The following RPH3AL variants were observed in gnomAD, a reference collection of about 807,000 sequenced individuals.
RPH3AL encodes rabphilin 3A like (without C2 domains).
In RPH3AL, 38 loss-of-function variants were observed where a neutral mutation model predicts 43.1. That is an observed-to-expected ratio of 0.88 (90% CI 0.68 to 1.15). RPH3AL has a LOEUF of 1.15. Among genes scored for constraint, RPH3AL ranks in the 50% most tolerant of loss-of-function variants. The pLI is 0.00. For missense variants in RPH3AL, 462 were observed against 423.2 expected, an observed-to-expected ratio of 1.09 and a Z score of -0.81; for synonymous variants, 189 against 176.3, an observed-to-expected ratio of 1.07 and a Z score of -0.57.
intron 8 of RPH3AL, 125 bp downstream of exon 8, chr17:219,498 A>C: frequency 1.6e-5 from 8 of 500,416 alleles, no homozygotes; most frequent in East Asian, 1.1e-4. Context: ...TGCCCGGCCT[A>C]ATAGTTTCAT....
intron 1 of RPH3AL, among the ~76,000 whole-genome samples, chr17:350,828 C>T (rs1348370249): frequency 6.6e-6 from 1 of 152,214 alleles, no homozygotes; most frequent in African/African-American, 2.4e-5. Context: ...CCAAGGCCAT[C>T]TGGGCCAAAC....
chr17:223,007 T>C (rs2041027106), intron 7 of RPH3AL, among the ~76,000 whole-genome samples: 2 of 152,240 alleles, frequency 1.3e-5, no homozygotes, highest in South Asian at 2.1e-4. Flanking sequence ...CTGGCTAACA[T>C]AGTGAAACCC....
rs373722314 is a variant in RPH3AL at position 241,507 on chromosome 17, G to A, written c.613+5604C>T. ...TTACTCAGCCATGAAAATGAATAAT[G>A]TAAAATCTGTATCCGTTGGCCTGGA... On this transcript the variant is annotated intron_variant, in intron 7 of 9. Transcript: ENST00000331302. Among the ~76,000 whole-genome samples the A allele has an allele frequency of 5.7e-4, 87 of 152,292 alleles. No individual in the cohort carries two copies. In the South Asian group the frequency reaches 0.017, roughly 30 times the overall value.
At chr17:292,202 T>C (rs779340741) in intron 5 of RPH3AL, among the ~76,000 whole-genome samples, 32 of 152,268 alleles carry the variant, frequency 2.1e-4, no homozygotes, top group Admixed American at 5.2e-4. Flanking sequence ...CCTCCGATCA[T>C]AAGCTCAGCC....
chr17:233,970 G>GGCTACTTACCCTGACCAACTTTCCCCCA (rs2041297484), intron 7 of RPH3AL, among the ~76,000 whole-genome samples: 1 of 87,538 alleles, frequency 1.1e-5, no homozygotes, highest in Non-Finnish European at 2.1e-5. Flanking sequence ...CAACTTCCCC[G>GGCTACTTACCCTGACCAACTTTCCCCCA]AGCAGGGAGC....
intron 8 of RPH3AL, among the ~76,000 whole-genome samples, chr17:218,877 C>G (rs2040878986): frequency 6.6e-6 from 1 of 152,128 alleles, no homozygotes; most frequent in Non-Finnish European, 1.5e-5. Flanking sequence ...GCAGGACTGA[C>G]CTAGTGCAGG....
rs549185486 is a variant in RPH3AL at position 223,556 on chromosome 17, C to T, written c.614-3820G>A. 5.3e-5 allele frequency among the ~76,000 whole-genome samples: 8 copies of T among 152,298 alleles called. No individual in the cohort carries two copies. In the South Asian group the frequency reaches 6.2e-4, roughly 12 times the overall value. On this transcript the variant is annotated intron_variant, in intron 7 of 9. Coordinates refer to ENST00000331302, the MANE Select transcript of RPH3AL (RefSeq NM_006987.4). ...GAGAGGTAAGACTGGAAACAAAATC[C>T]GTCTATACTGCGGTGGCTAGCACGT... is the stretch of plus-strand genomic sequence containing the variant.
intron 1 of RPH3AL, among the ~76,000 whole-genome samples, chr17:336,812 G>C (rs1443227997): frequency 6.6e-6 from 1 of 152,168 alleles, no homozygotes; most frequent in Non-Finnish European, 1.5e-5. Context: ...TTGAGGCATT[G>C]CAGCCGCCCA....
At chr17:258,423 A>G (rs2042116737) in intron 6 of RPH3AL, among the ~76,000 whole-genome samples, 1 of 152,222 alleles carries the variant, frequency 6.6e-6, no homozygotes, top group Non-Finnish European at 1.5e-5. Flanking sequence ...AAGTTCCTGT[A>G]ATTAATCAAA....
chr17:233,458 G>A (rs538860049), intron 7 of RPH3AL, among the ~76,000 whole-genome samples: 2 of 152,288 alleles, frequency 1.3e-5, no homozygotes, highest in East Asian at 3.9e-4. Context: ...GGGCCTGTAA[G>A]CCCTGCTGAT....
intron 6 of RPH3AL, among the ~76,000 whole-genome samples, chr17:268,629 C>T (rs1449493286): frequency 7.7e-5 from 10 of 130,686 alleles, no homozygotes; most frequent in Non-Finnish European, 1.6e-4. Context: ...GGCACCATCT[C>T]GGCTCACTGC....
At chr17:302,830 A>G (rs2043362675) in intron 5 of RPH3AL, among the ~76,000 whole-genome samples, 1 of 152,246 alleles carries the variant, frequency 6.6e-6, no homozygotes, top group Non-Finnish European at 1.5e-5. Flanking sequence ...AAGAAGATGA[A>G]AAAAGGAGTG....
chr17:318,195 C>T (rs544860481), intron 5 of RPH3AL, among the ~76,000 whole-genome samples: 7 of 152,136 alleles, frequency 4.6e-5, no homozygotes, highest in African/African-American at 1.7e-4. Context: ...CCAGCCTGGC[C>T]AACATGGTGA....
intron 7 of RPH3AL, among the ~76,000 whole-genome samples, chr17:226,475 C>A (rs1007312700): frequency 1.3e-5 from 2 of 152,178 alleles, no homozygotes; most frequent in Non-Finnish European, 2.9e-5. Context: ...TGGTACAGAC[C>A]CAAATCCCAT....
chr17:242,574 A>AC (rs777350185), intron 7 of RPH3AL, among the ~76,000 whole-genome samples: 3,486 of 58,900 alleles, frequency 0.059, 15 homozygotes, highest in East Asian at 0.093. Context: ...TCTATTGACT[A>AC]CCTTCCTCTA....
intron 5 of RPH3AL, among the ~76,000 whole-genome samples, chr17:304,312 G>A (rs2043407799): frequency 6.6e-6 from 1 of 151,838 alleles, no homozygotes; most frequent in Non-Finnish European, 1.5e-5. Flanking sequence ...CGACTTCCAG[G>A]TGAGAGACCT....
Position 264,279 on chromosome 17 carries a change from G to GCTGGATGGGGACTC in RPH3AL, c.439-16995_439-16994insGAGTCCCCATCCAG, listed in dbSNP as rs1555547261. ...CAGCAGGATTACCCTTCGGAGCCGCGAGCGCTGGATGGGGACTCAGAATCC... is the reference window on the plus strand; with the variant it reads ...CAGCAGGATTACCCTTCGGAGCCGCGCTGGATGGGGACTCAGCGCTGGATGGGGACTCAGAATCC... On this transcript the variant is annotated intron_variant, in intron 6 of 9. Coordinates refer to ENST00000331302, the MANE Select transcript of RPH3AL (RefSeq NM_006987.4). This position sits in a 1 kb window ranked among gnomAD's most constrained non-coding sequence, Gnocchi z 4.8. Among the ~76,000 whole-genome samples, 463 of 151,166 alleles carry GCTGGATGGGGACTC rather than the reference G, an allele frequency of 3.1e-3. 56 individuals carry two copies. Among genetic ancestry groups the GCTGGATGGGGACTC allele is most frequent in the East Asian group, 5.3e-3 (27 of 5,124 alleles).
At chr17:272,954 GGCTA>G (rs2042518155) in intron 6 of RPH3AL, among the ~76,000 whole-genome samples, 1 of 40,588 alleles carries the variant, frequency 2.5e-5, no homozygotes, top group Admixed American at 3.0e-4. Context: ...CCCCAGCAAG[GGCTA>G]CGTCAGGGTG....
At chr17:319,607 C>G in intron 4 of RPH3AL, 58 bp from the exon 5 acceptor site, 2 of 1,596,464 alleles carry the variant, frequency 1.3e-6, no homozygotes, top group South Asian at 1.1e-5. Flanking sequence ...CACAGTTGCA[C>G]TGAGGCCCGA....
Sources: gnomAD v4.1 joint callset for allele counts (sites outside exome capture counted in the v4.1 genomes callset) on GRCh38, gnomAD v4.1.1 for gene constraint, Gnocchi (gnomAD v3.1) non-coding constraint, MANE v1.5 for transcripts, NCBI Gene and HGNC (gene_info 2026-07-23, HGNC 2026-07-21) for gene names.